The following CREM variants were observed in gnomAD, a reference collection of about 807,000 sequenced individuals.
CREM encodes the protein cAMP-responsive element modulator.
CREM carries 13 observed loss-of-function variants against 37.3 expected under a neutral mutation model. The observed-to-expected ratio is 0.35, with a 90% CI of 0.23 to 0.55. CREM has a LOEUF of 0.55. CREM is among the 20% of genes least tolerant of loss of function. CREM has a pLI of 0.88. For missense variants in CREM, 296 were observed against 362.3 expected, an observed-to-expected ratio of 0.82 and a Z score of 1.49; for synonymous variants, 124 against 120.2, an observed-to-expected ratio of 1.03 and a Z score of -0.21.
At chr10:35,132,998 A>T (rs909062244) in intron 1 of CREM, among the ~76,000 whole-genome samples, 5 of 152,212 alleles carry the variant, frequency 3.3e-5, no homozygotes, top group African/African-American at 1.2e-4. Context: ...CCAAATAAAC[A>T]GATTGTATTT....
chr10:35,159,637 C>T (rs562505815), intron 3 of CREM, among the ~76,000 whole-genome samples: 2 of 152,286 alleles, frequency 1.3e-5, no homozygotes, highest in South Asian at 4.1e-4. Flanking sequence ...AAACAGGAAA[C>T]TCCTTGACAT....
intron 6 of CREM, among the ~76,000 whole-genome samples, chr10:35,200,993 T>TG (rs2095366700): frequency 6.8e-6 from 1 of 148,026 alleles, no homozygotes; most frequent in South Asian, 2.2e-4. Flanking sequence ...CTCTCACTTG[T>TG]GGGTTTTTTT....
At chr10:35,209,915 T>C (rs1241823204) in intron 7 of CREM, among the ~76,000 whole-genome samples, 2 of 152,194 alleles carry the variant, frequency 1.3e-5, no homozygotes, top group African/African-American at 2.4e-5. Context: ...TCTGAGAACT[T>C]TGTATGTTCA....
chr10:35,185,961 T>G (rs2094539904), intron 5 of CREM, among the ~76,000 whole-genome samples: 3 of 152,236 alleles, frequency 2.0e-5, no homozygotes, highest in African/African-American at 7.2e-5. Flanking sequence ...TCTCATAGGT[T>G]TGTCCTATCA....
chr10:35,163,014 C>T (rs1038073655), intron 3 of CREM, among the ~76,000 whole-genome samples: 1 of 151,218 alleles, frequency 6.6e-6, no homozygotes, highest in South Asian at 2.1e-4. Context: ...AGTTCAAGAC[C>T]AGCCTGGGTC....
At chr10:35,195,222 T>C in intron 6 of CREM, 3 of 1,613,952 alleles carry the variant, frequency 1.9e-6, no homozygotes, top group Non-Finnish European at 2.5e-6. Flanking sequence ...CAGGTAAGAA[T>C]GTTAAAGAGG....
intron 3 of CREM, among the ~76,000 whole-genome samples, chr10:35,150,429 A>G (rs2092511716): frequency 6.6e-6 from 1 of 152,102 alleles, no homozygotes; most frequent in Non-Finnish European, 1.5e-5. Context: ...CTGGGGCTGA[A>G]GTCCCAGCAA....
chr10:35,137,619 T>A (rs1564793486), intron 1 of CREM, among the ~76,000 whole-genome samples, 163 bp from the exon 2 acceptor site: 1 of 152,174 alleles, frequency 6.6e-6, no homozygotes, highest in Non-Finnish European at 1.5e-5. Context: ...TCTTTTGGTT[T>A]TTTTTGGTGG....
intron 6 of CREM, among the ~76,000 whole-genome samples, chr10:35,194,875 CAT>C (rs2095082589): frequency 6.6e-6 from 1 of 151,036 alleles, no homozygotes; most frequent in Non-Finnish European, 1.5e-5. Context: ...AAGATACAAT[CAT>C]GTAACTTTTA....
At chr10:35,142,666 C>A (rs1266590240) in intron 2 of CREM, among the ~76,000 whole-genome samples, 1 of 152,144 alleles carries the variant, frequency 6.6e-6, no homozygotes, top group Non-Finnish European at 1.5e-5. Flanking sequence ...AGTGCAGTGG[C>A]ACGATTATGG....
intron 6 of CREM, among the ~76,000 whole-genome samples, chr10:35,192,333 A>T (rs1247725565): frequency 6.6e-6 from 1 of 152,026 alleles, no homozygotes; most frequent in Non-Finnish European, 1.5e-5. Context: ...ACTGCATTGC[A>T]CTTGTTTTGT....
At chr10:35,135,110 G>A (rs1349124095) in intron 1 of CREM, among the ~76,000 whole-genome samples, 2 of 151,952 alleles carry the variant, frequency 1.3e-5, no homozygotes, top group Non-Finnish European at 2.9e-5. Context: ...ACATACTGGT[G>A]AAAGTAAGGT....
At chr10:35,189,974 T>C (rs921134024) in intron 6 of CREM, among the ~76,000 whole-genome samples, 2 of 152,154 alleles carry the variant, frequency 1.3e-5, no homozygotes, top group African/African-American at 4.8e-5. Context: ...GAGTAAAAAA[T>C]GCATAGTACA....
intron 7 of CREM, among the ~76,000 whole-genome samples, chr10:35,208,740 A>C (rs1004697725): frequency 3.3e-5 from 5 of 152,238 alleles, no homozygotes; most frequent in African/African-American, 4.8e-5. Flanking sequence ...CCCAACTGCA[A>C]ACCTTTCCTG....
chr10:35,179,451 C>T, intron 5 of CREM, 175 bp downstream of exon 5: 6 of 747,746 alleles, frequency 8.0e-6, no homozygotes, highest in Non-Finnish European at 9.4e-6. Flanking sequence ...GTATTGACAG[C>T]TGTCATATAA....
At chr10:35,155,626 C>CT (rs1469024435) in intron 3 of CREM, among the ~76,000 whole-genome samples, 1,185 of 41,824 alleles carry the variant, frequency 0.028, 29 homozygotes, top group African/African-American at 0.052. Context: ...CTTTTCTTTT[C>CT]TTTTCTTTTT....
chr10:35,194,885 T>C (rs576720098), intron 6 of CREM, among the ~76,000 whole-genome samples: 2 of 150,496 alleles, frequency 1.3e-5, no homozygotes, highest in African/African-American at 2.5e-5. Flanking sequence ...CATGTAACTT[T>C]TAATGCTAAA....
intron 1 of CREM, among the ~76,000 whole-genome samples, chr10:35,132,846 T>C (rs968852495): frequency 8.5e-5 from 13 of 152,236 alleles, no homozygotes; most frequent in African/African-American, 2.9e-4. Flanking sequence ...TTTAATCGAC[T>C]TGGTTGAGAA....
intron 3 of CREM, chr10:35,154,138 A>G (rs1168663794): frequency 7.5e-6 from 3 of 398,446 alleles, no homozygotes; most frequent in African/African-American, 6.2e-5. Flanking sequence ...ACGATTTAAC[A>G]AGGGATACTT....
Sources: allele counts gnomAD v4.1 joint callset (sites outside exome capture counted in the v4.1 genomes callset), GRCh38; gene constraint gnomAD v4.1.1; transcripts MANE v1.5; gene names NCBI Gene and HGNC (gene_info 2026-07-23, HGNC 2026-07-21).